Variants in KCNH7 observed in about 807,000 individuals in gnomAD.
The protein encoded by KCNH7 is potassium voltage-gated channel subfamily H member 7.
A neutral mutation model predicts 120.8 loss-of-function variants in KCNH7; 49 were observed. The observed-to-expected ratio is 0.41, with a 90% CI of 0.32 to 0.51. The LOEUF is 0.51. Ranked by LOEUF, KCNH7 falls within the 20% of genes least tolerant of loss-of-function variation. The probability of loss-of-function intolerance (pLI) is 0.38; values close to 1 mark genes in which losing one functional copy is unlikely to be tolerated. For synonymous variants in KCNH7, 547 were observed against 516.1 expected (o/e 1.06, Z -0.81); for missense variants, 1,097 against 1,446.6 (o/e 0.76, Z 3.92).
chr2:162,729,387 T>C (rs969525475), intron 2 of KCNH7, among the ~76,000 whole-genome samples: 1 of 151,626 alleles, frequency 6.6e-6, no homozygotes, highest in Admixed American at 6.6e-5. Context: ...AATCAAGTAA[T>C]ATATGTCCCC....
At chr2:162,406,164 C>T (rs1302024196) in intron 9 of KCNH7, among the ~76,000 whole-genome samples, 2 of 151,878 alleles carry the variant, frequency 1.3e-5, no homozygotes, top group South Asian at 4.1e-4. Flanking sequence ...TATACTTTCT[C>T]GATTCTGTTT....
chr2:162,624,892 T>G (rs1683495429), intron 2 of KCNH7, among the ~76,000 whole-genome samples: 2 of 132,364 alleles, frequency 1.5e-5, no homozygotes, highest in African/African-American at 6.0e-5. Context: ...ACTCTTGGTT[T>G]TTTTTTTTTT....
intron 4 of KCNH7, 23 bp downstream of exon 4, chr2:162,517,707 A>AT: frequency 3.3e-6 from 5 of 1,527,170 alleles, no homozygotes; most frequent in Non-Finnish European, 4.4e-6. Flanking sequence ...ATATGTTTCC[A>AT]TTTAAAAAAA....
chr2:162,554,754 T>G (rs1239274002), intron 2 of KCNH7, among the ~76,000 whole-genome samples: 1 of 152,176 alleles, frequency 6.6e-6, no homozygotes, highest in African/African-American at 2.4e-5. Flanking sequence ...ATGATTACAC[T>G]GGGCCCATAT....
intron 2 of KCNH7, among the ~76,000 whole-genome samples, chr2:162,556,794 A>G (rs2105869389): frequency 6.6e-6 from 1 of 152,356 alleles, no homozygotes; most frequent in African/African-American, 2.4e-5. Flanking sequence ...GCAAAAACAA[A>G]TGGAAATATG....
chr2:162,787,896 C>A (rs1683770906), intron 2 of KCNH7, among the ~76,000 whole-genome samples: 1 of 152,184 alleles, frequency 6.6e-6, no homozygotes, highest in Non-Finnish European at 1.5e-5. Flanking sequence ...TGGCACCAGG[C>A]CAGCCACCTA....
intron 2 of KCNH7, among the ~76,000 whole-genome samples, chr2:162,562,009 A>G (rs1274126570): frequency 6.6e-6 from 1 of 152,090 alleles, no homozygotes; most frequent in African/African-American, 2.4e-5. Context: ...GAGTCGATCA[A>G]TGAGAACACA....
intron 2 of KCNH7, among the ~76,000 whole-genome samples, chr2:162,828,290 T>C (rs1418461040): frequency 6.6e-6 from 1 of 152,162 alleles, no homozygotes; most frequent in African/African-American, 2.4e-5. Flanking sequence ...GGATTTTTAT[T>C]TATTACTTGT....
chr2:162,811,535 G>A (rs1345885824), intron 2 of KCNH7, among the ~76,000 whole-genome samples: 1 of 152,052 alleles, frequency 6.6e-6, no homozygotes, highest in Non-Finnish European at 1.5e-5. Flanking sequence ...ATATTAAAGC[G>A]AGGGTTTGTA....
chr2:162,565,196 A>T (rs1182267570), intron 2 of KCNH7, among the ~76,000 whole-genome samples: 2 of 152,054 alleles, frequency 1.3e-5, no homozygotes, highest in African/African-American at 2.4e-5. Flanking sequence ...TTGCCATGGT[A>T]TGCCTTTTTC....
intron 12 of KCNH7, among the ~76,000 whole-genome samples, chr2:162,385,256 G>A (rs1000194197): frequency 1.3e-5 from 2 of 151,902 alleles, no homozygotes; most frequent in African/African-American, 4.8e-5. Flanking sequence ...TTTCTTTAGG[G>A]AAATGAAAAA....
At chr2:162,492,471 C>T (rs1462161520) in intron 6 of KCNH7, among the ~76,000 whole-genome samples, 1 of 151,306 alleles carries the variant, frequency 6.6e-6, no homozygotes, top group East Asian at 1.9e-4. Flanking sequence ...GGAATGAGTA[C>T]TTTCTGGTTA....
intron 2 of KCNH7, chr2:162,796,817 T>A (rs1455533434): frequency 6.6e-6 from 1 of 152,052 alleles, no homozygotes; most frequent in East Asian, 1.9e-4. Context: ...TGGGACTTTT[T>A]AAGAACCTGT....
At position 162,371,530 on chromosome 2, in the gene KCNH7, C is replaced by G. The variant is rs1685946154; in HGVS notation, c.*299G>C. On this transcript the variant is annotated 3_prime_UTR_variant, in exon 16 of 16. Transcript: ENST00000332142. Reference sequence around the variant, plus strand: ...TTTAGTAAAAGCAGTAAATAGGAGTCTCCATGCAAGAGAAATTGGAGTTTC... The same window carrying G: ...TTTAGTAAAAGCAGTAAATAGGAGTGTCCATGCAAGAGAAATTGGAGTTTC... 1 of 1,068,154 alleles carries G rather than the reference C, an allele frequency of 9.4e-7. No individual in the cohort carries two copies. Among genetic ancestry groups the G allele is most frequent in the Non-Finnish European group, 1.2e-6 (1 of 829,500 alleles). The allele number at this position is 1,068,154 out of a possible 1,614,324, so 66.2% of individuals were successfully genotyped here. A position where few individuals can be genotyped will look rare whatever the true frequency, so the allele number is the denominator to read the frequency against.
chr2:162,602,350 C>T (rs978361810), intron 2 of KCNH7, among the ~76,000 whole-genome samples: 4 of 152,032 alleles, frequency 2.6e-5, no homozygotes, highest in African/African-American at 9.7e-5. Context: ...TGGGAAAATC[C>T]AAACCATGTT....
chr2:162,512,726 A>G, intron 4 of KCNH7, 52 bp from the exon 5 acceptor site: 5 of 1,392,424 alleles, frequency 3.6e-6, no homozygotes, highest in Non-Finnish European at 5.1e-6. Context: ...AGAAGACTAA[A>G]ATTATATTAT....
chr2:162,801,143 G>A (rs1043742847), intron 2 of KCNH7, among the ~76,000 whole-genome samples: 1 of 151,630 alleles, frequency 6.6e-6, no homozygotes, highest in Admixed American at 6.6e-5. Context: ...TGCGAAGAGG[G>A]TAGAACTACT....
rs546410066 is a variant in KCNH7, at chr2:162,504,627, A to C, written c.944T>G (p.Leu315Arg). ...GPFNHIKSSLLGSTSDSNLNK... is the reference protein window; with the variant it reads ...GPFNHIKSSLRGSTSDSNLNK... The stretch of plus-strand genomic sequence containing the variant: ...GAGGTTTGAATCTGATGTGGATCCC[A>C]GGAGGCTTGACTTGATATGATTAAA... Residue 315 changes from leucine to arginine, a missense_variant, in exon 6 of 16, where the codon CTG becomes CGG. Leu to Arg is a moderately radical substitution (Grantham distance 102). Coordinates refer to ENST00000332142, the MANE Select transcript of KCNH7 (RefSeq NM_033272.4). 14 of 1,612,368 alleles carry C rather than the reference A, an allele frequency of 8.7e-6. No homozygotes were observed. Among genetic ancestry groups the C allele is most frequent in the Non-Finnish European group, 1.1e-5 (13 of 1,178,794 alleles).
chr2:162,750,619 C>T (rs992107263), intron 2 of KCNH7, among the ~76,000 whole-genome samples: 3 of 151,956 alleles, frequency 2.0e-5, no homozygotes, highest in Non-Finnish European at 4.4e-5. Flanking sequence ...AGATAATTTA[C>T]AGAGGTATAA....
Sources: gnomAD v4.1 joint callset for allele counts (sites outside exome capture counted in the v4.1 genomes callset) on GRCh38, gnomAD v4.1.1 for gene constraint, MANE v1.5 for transcripts, NCBI Gene and HGNC (gene_info 2026-07-23, HGNC 2026-07-21) for gene names.